DOCK1: variants seen among roughly 807,000 people sequenced by gnomAD.
The protein encoded by DOCK1 is dedicator of cytokinesis 1.
Under a neutral mutation model 262.7 loss-of-function variants are expected in DOCK1, and 138 were observed. That is an observed-to-expected ratio of 0.53 (90% CI 0.46 to 0.61). DOCK1 has a LOEUF of 0.61. Among genes scored for constraint, DOCK1 ranks in the 20% least tolerant of loss-of-function variants. The pLI is 0.00. For synonymous variants in DOCK1, 866 were observed against 867.4 expected (o/e 1.00, Z 0.03); for missense variants, 1,908 against 2,370.7 (o/e 0.80, Z 4.05).
At chr10:127,257,541 C>T (rs182830796) in intron 29 of DOCK1, 112 bp downstream of exon 29, 205 of 935,506 alleles carry the variant, frequency 2.2e-4, no homozygotes, top group Middle Eastern at 1.7e-3. Context: ...GCTCTGCAAA[C>T]GCTGTTCCTA....
chr10:127,422,158 CTTTTTTTTT>C (rs35535729), intron 46 of DOCK1, among the ~76,000 whole-genome samples: 7 of 61,370 alleles, frequency 1.1e-4, no homozygotes, highest in Non-Finnish European at 1.7e-4. Flanking sequence ...TTTTGTTTGT[CTTTTTTTTT>C]TTTTTTTTTT....
intron 29 of DOCK1, among the ~76,000 whole-genome samples, chr10:127,322,833 C>A (rs2062593048): frequency 6.6e-6 from 1 of 152,140 alleles, no homozygotes; most frequent in East Asian, 1.9e-4. Context: ...ACTGTCTGAT[C>A]ATTTACAGAA....
chr10:127,229,091 C>T lies in DOCK1; in HGVS notation c.2848-18917C>T, dbSNP rs368182489. On this transcript the variant is annotated intron_variant, in intron 27 of 51. Transcript: ENST00000623213. ...TTACTAAAAAATACAAAAAATTAGC[C>T]GGGCGTGGTGGTGCGCACCTGTAAT... is the stretch of plus-strand genomic sequence containing the variant. Among the ~76,000 whole-genome samples the T allele has an allele frequency of 1.8e-4, 28 of 152,104 alleles. No individual in the cohort carries two copies. The East Asian group carries it at 3.7e-3, about 20-fold the overall frequency.
chr10:127,350,550 T>C (rs1005204804), intron 31 of DOCK1, among the ~76,000 whole-genome samples: 13 of 152,182 alleles, frequency 8.5e-5, no homozygotes, highest in Admixed American at 6.5e-5. Context: ...TTTCTCACAG[T>C]TCCCATGTTT....
intron 29 of DOCK1, among the ~76,000 whole-genome samples, chr10:127,303,068 G>C (rs2061744876): frequency 6.6e-6 from 1 of 152,124 alleles, no homozygotes; most frequent in Admixed American, 6.5e-5. Context: ...ACGGTTAGCA[G>C]GATAAAGAAG....
At chr10:127,010,325 G>A (rs2041330834) in intron 11 of DOCK1, among the ~76,000 whole-genome samples, 1 of 152,124 alleles carries the variant, frequency 6.6e-6, no homozygotes, top group African/African-American at 2.4e-5. Context: ...AAATTAGCCG[G>A]GTGTGGCGGC....
At chr10:127,366,190 A>C (rs1379352034) in intron 33 of DOCK1, among the ~76,000 whole-genome samples, 2 of 151,908 alleles carry the variant, frequency 1.3e-5, no homozygotes, top group South Asian at 4.2e-4. Flanking sequence ...ACCTCTGCAG[A>C]CGAGGGATAG....
chr10:127,039,450 A>G (rs1206165733), intron 19 of DOCK1, among the ~76,000 whole-genome samples: 1 of 152,056 alleles, frequency 6.6e-6, no homozygotes, highest in Non-Finnish European at 1.5e-5. Context: ...ATTCTCCCCC[A>G]TTCCCCTCAT....
Position 127,153,913 on chromosome 10 carries a change from G to T in DOCK1, c.2847+26149G>T, listed in dbSNP as rs749601173. On this transcript the variant is annotated intron_variant, in intron 27 of 51. Transcript: ENST00000623213. Reference sequence around the variant, plus strand: ...CAATTAGCTGTGTCTTGCCCCGTCCGATATGAAAGCCTACAAGATAAGAAC... The same window carrying T: ...CAATTAGCTGTGTCTTGCCCCGTCCTATATGAAAGCCTACAAGATAAGAAC... 2.5e-6 allele frequency: 4 copies of T among 1,613,470 alleles called. No homozygotes were observed. The African/African-American group carries it at 5.3e-5, about 22-fold the overall frequency.
chr10:127,032,169 G>A lies in DOCK1; in HGVS notation c.1761G>A (p.Thr587=), dbSNP rs368325806. ...AEAKKLEDAA[T]YLSLPSTKAE... is the part of the protein sequence containing the mutation. ...CAAAGAAGCTGGAAGATGCTGCCAC[G>A]TACTTGAGTCTGCCCTCCACGAAGG... The change falls in exon 18 of 52, where the codon ACG becomes ACA. Residue 587 remains threonine, a synonymous_variant. Transcript: ENST00000623213. 4.5e-5 allele frequency: 72 copies of A among 1,597,542 alleles called. No homozygotes were observed. In the African/African-American group the frequency reaches 8.3e-4, roughly 18 times the overall value.
At chr10:127,211,106 T>G (rs1489800801) in intron 27 of DOCK1, among the ~76,000 whole-genome samples, 2 of 152,220 alleles carry the variant, frequency 1.3e-5, no homozygotes, top group Non-Finnish European at 2.9e-5. Flanking sequence ...TGTCTAGAAC[T>G]TACTCATCTT....
At chr10:127,417,509 C>A (rs1194526041) in intron 44 of DOCK1, among the ~76,000 whole-genome samples, 1 of 152,178 alleles carries the variant, frequency 6.6e-6, no homozygotes, top group Non-Finnish European at 1.5e-5. Flanking sequence ...GCAAATGAAG[C>A]CTGTGAGGGT....
At chr10:126,923,690 G>T (rs373561155) in intron 1 of DOCK1, among the ~76,000 whole-genome samples, 15 of 152,182 alleles carry the variant, frequency 9.9e-5, no homozygotes, top group Non-Finnish European at 1.9e-4. Context: ...AGAAAGGAGC[G>T]CCATTCTCGG....
intron 27 of DOCK1, among the ~76,000 whole-genome samples, chr10:127,187,680 A>G (rs969137500): frequency 2.6e-5 from 4 of 152,190 alleles, no homozygotes; most frequent in African/African-American, 4.8e-5. Flanking sequence ...CGAAGGCCAC[A>G]CTTGGAGGCC....
intron 27 of DOCK1, among the ~76,000 whole-genome samples, chr10:127,211,381 A>G (rs1239475493): frequency 6.6e-6 from 1 of 152,182 alleles, no homozygotes; most frequent in African/African-American, 2.4e-5. Flanking sequence ...AATACCCCTG[A>G]TAAGCATGCT....
chr10:127,061,921 G>T, intron 23 of DOCK1, 145 bp downstream of exon 23: 1 of 394,478 alleles, frequency 2.5e-6, no homozygotes, highest in Non-Finnish European at 4.4e-6. Context: ...TTGATTTCAA[G>T]AGCTGTGCTT....
At chr10:126,952,227 T>C (rs1050897296) in intron 1 of DOCK1, among the ~76,000 whole-genome samples, 1 of 152,024 alleles carries the variant, frequency 6.6e-6, no homozygotes, top group African/African-American at 2.4e-5. Flanking sequence ...AGTATTGTTA[T>C]TGTTGGTAGT....
intron 4 of DOCK1, among the ~76,000 whole-genome samples, chr10:126,984,974 C>CTTTTTTTTTTTTTTTTTTTTTTTTTTTTT: frequency 1.2e-5 from 1 of 85,128 alleles, no homozygotes; most frequent in Non-Finnish European, 2.1e-5. Flanking sequence ...ATGTCCCATT[C>CTTTTTTTTTTTTTTTTTTTTTTTTTTTTT]TTTTTTTTTT....
chr10:126,943,132 T>A (rs1381040198), intron 1 of DOCK1, among the ~76,000 whole-genome samples: 2 of 149,942 alleles, frequency 1.3e-5, no homozygotes, highest in African/African-American at 4.9e-5. Flanking sequence ...TGTGTGCCTG[T>A]AATCCCAGCT....
Sources: gnomAD v4.1 joint callset for allele counts (sites outside exome capture counted in the v4.1 genomes callset) on GRCh38, gnomAD v4.1.1 for gene constraint, MANE v1.5 for transcripts, NCBI Gene and HGNC (gene_info 2026-07-23, HGNC 2026-07-21) for gene names.